Variants in CLYBL observed in about 807,000 individuals in gnomAD.
The protein encoded by CLYBL is citramalyl-CoA lyase.
A neutral mutation model predicts 38.9 loss-of-function variants in CLYBL; 31 were observed. That is an observed-to-expected ratio of 0.80 (90% confidence interval 0.60 to 1.08). The LOEUF is 1.08. Among genes scored for constraint, CLYBL ranks in the 50% least tolerant of loss-of-function variants. The pLI is 0.00. For missense variants in CLYBL, 434 were observed against 411.6 expected (o/e 1.05, Z -0.47); for synonymous variants, 171 against 158.6 (o/e 1.08, Z -0.59).
intron 1 of CLYBL, among the ~76,000 whole-genome samples, chr13:99,668,777 T>C (rs1229348285): frequency 6.6e-6 from 1 of 152,010 alleles, no homozygotes; most frequent in Non-Finnish European, 1.5e-5. Context: ...GGGGGTGTCC[T>C]GGCCAGGTCC....
At chr13:99,901,442 C>G (rs1371519361), downstream of CLYBL, among the ~76,000 whole-genome samples, 1 of 152,090 alleles carries the variant, frequency 6.6e-6, no homozygotes, top group Non-Finnish European at 1.5e-5. Context: ...CGCAATCCTT[C>G]CTCGACTGTG....
intron 2 of CLYBL, among the ~76,000 whole-genome samples, chr13:99,807,394 C>T (rs2050252952): frequency 6.6e-6 from 1 of 152,222 alleles, no homozygotes; most frequent in African/African-American, 2.4e-5. Flanking sequence ...ACCCATGTTC[C>T]TGGCAGCATT....
chr13:99,653,626 CT>C (rs1275393127), intron 1 of CLYBL, among the ~76,000 whole-genome samples: 1 of 152,168 alleles, frequency 6.6e-6, no homozygotes, highest in Non-Finnish European at 1.5e-5. Context: ...GCTACTGGGA[CT>C]TTTTTCTCCT....
chr13:99,625,374 T>C (rs113642821), intron 1 of CLYBL, among the ~76,000 whole-genome samples: 43 of 152,330 alleles, frequency 2.8e-4, no homozygotes, highest in African/African-American at 9.4e-4. Context: ...AGACATTTAA[T>C]GTGCTAATTG....
chr13:99,666,355 G>C lies in CLYBL; in HGVS notation c.62+59598G>C, dbSNP rs375926416. On this transcript the variant is annotated intron_variant, in intron 1 of 8. Coordinates refer to ENST00000339105, the MANE Select transcript of CLYBL (RefSeq NM_206808.5). ...ACACCTGAGTGGCTTTAGGCAGCCT[G>C]ACCTTCACTGCATGGGGATGACTCG... is the stretch of plus-strand genomic sequence containing the variant. Among the ~76,000 whole-genome samples, 3 of 152,162 alleles carry C rather than the reference G, an allele frequency of 2.0e-5. No homozygotes were observed. In the South Asian group the frequency reaches 6.2e-4, roughly 32 times the overall value.
intron 1 of CLYBL, among the ~76,000 whole-genome samples, chr13:99,678,227 T>C (rs1372057824): frequency 1.1e-4 from 17 of 152,348 alleles, no homozygotes; most frequent in Non-Finnish European, 5.9e-5. Context: ...AGGTCTGCTC[T>C]AACATCTGCA....
intron 1 of CLYBL, among the ~76,000 whole-genome samples, chr13:99,664,659 G>A (rs944991989): frequency 2.6e-5 from 4 of 152,146 alleles, no homozygotes; most frequent in Admixed American, 6.5e-5. Flanking sequence ...CATAACGTGC[G>A]ACGTAGTGCC....
intron 1 of CLYBL, among the ~76,000 whole-genome samples, chr13:99,619,304 A>G (rs900902824): frequency 2.0e-5 from 3 of 152,204 alleles, no homozygotes; most frequent in Admixed American, 1.3e-4. Flanking sequence ...GGACACAGCA[A>G]TAAGGCGCCA....
At chr13:99,874,000 GC>G (rs2139266974) in intron 7 of CLYBL, among the ~76,000 whole-genome samples, 1 of 152,210 alleles carries the variant, frequency 6.6e-6, no homozygotes, top group South Asian at 2.1e-4. Flanking sequence ...TCCCTGTTTG[GC>G]AGGCAGCGAT....
chr13:99,715,490 C>G (rs2048298851), intron 1 of CLYBL, among the ~76,000 whole-genome samples: 1 of 150,714 alleles, frequency 6.6e-6, no homozygotes, highest in Non-Finnish European at 1.5e-5. Context: ...GCAGCCTGGA[C>G]CTCTAGGGCT....
At chr13:99,613,038 A>C (rs2046653655) in intron 1 of CLYBL, among the ~76,000 whole-genome samples, 3 of 102,754 alleles carry the variant, frequency 2.9e-5, no homozygotes, top group South Asian at 5.8e-4. Flanking sequence ...AATAATAATA[A>C]TAATAATAAT....
intron 2 of CLYBL, among the ~76,000 whole-genome samples, chr13:99,794,628 G>A (rs1479348187): frequency 9.4e-6 from 1 of 106,680 alleles, no homozygotes; most frequent in Non-Finnish European, 2.0e-5. Context: ...GTCATATGCT[G>A]TCACCCAGGC....
chr13:99,658,399 T>C (rs945559804), intron 1 of CLYBL, among the ~76,000 whole-genome samples: 1 of 152,236 alleles, frequency 6.6e-6, no homozygotes, highest in Non-Finnish European at 1.5e-5. Context: ...AAGTTTCTGC[T>C]GCAAAGCGCA....
chr13:99,616,164 T>TC (rs2046706639), intron 1 of CLYBL, among the ~76,000 whole-genome samples: 1 of 149,066 alleles, frequency 6.7e-6, no homozygotes, highest in Non-Finnish European at 1.5e-5. Context: ...TTTTTTTTTT[T>TC]TTTAAGACTG....
chr13:99,682,739 A>T (rs913434026), intron 1 of CLYBL, among the ~76,000 whole-genome samples: 1 of 149,424 alleles, frequency 6.7e-6, no homozygotes, highest in African/African-American at 2.5e-5. Context: ...TTACTATAAC[A>T]TTTTTTTTTT....
chr13:99,688,734 G>A (rs932348388), intron 1 of CLYBL, among the ~76,000 whole-genome samples: 2 of 152,146 alleles, frequency 1.3e-5, no homozygotes, highest in African/African-American at 4.8e-5. Flanking sequence ...GCATGGAATG[G>A]AGGATCTGAC....
downstream of CLYBL, among the ~76,000 whole-genome samples, chr13:99,899,062 A>C (rs2052614047): frequency 6.6e-6 from 1 of 152,200 alleles, no homozygotes; most frequent in Non-Finnish European, 1.5e-5. Context: ...ACAGAAGAAG[A>C]AGCCATTTAT....
At chr13:99,731,914 A>G (rs1320052618) in intron 1 of CLYBL, among the ~76,000 whole-genome samples, 1 of 152,102 alleles carries the variant, frequency 6.6e-6, no homozygotes, top group African/African-American at 2.4e-5. Context: ...CTGTCCTTTA[A>G]TTGCTTCTCC....
At chr13:99,747,267 C>T (rs1479791935) in intron 1 of CLYBL, among the ~76,000 whole-genome samples, 3 of 128,650 alleles carry the variant, frequency 2.3e-5, no homozygotes, top group Non-Finnish European at 3.2e-5. Flanking sequence ...CTCCTTCGTT[C>T]CTACCCTCCC....
Sources: allele counts gnomAD v4.1 joint callset (sites outside exome capture counted in the v4.1 genomes callset), GRCh38; gene constraint gnomAD v4.1.1; transcripts MANE v1.5; gene names NCBI Gene and HGNC (gene_info 2026-07-23, HGNC 2026-07-21).